Variants in SANBR observed in about 807,000 individuals in gnomAD.
SANBR encodes SANT and BTB domain regulator of CSR, also known as SANT and BTB domain regulator of class switch recombination.
In SANBR, 77 loss-of-function variants were observed where a neutral mutation model predicts 101.8. The observed-to-expected ratio is 0.76, with a 90% CI of 0.63 to 0.91. The LOEUF (loss-of-function observed/expected upper bound fraction) is 0.91, where lower values mean the gene tolerates loss of function less well. SANBR is among the 40% of genes least tolerant of loss of function. SANBR has a pLI of 0.00. For synonymous variants in SANBR, 279 were observed against 274.7 expected, an observed-to-expected ratio of 1.02 and a Z score of -0.15; for missense variants, 875 against 853.0, an observed-to-expected ratio of 1.03 and a Z score of -0.32.
intron 8 of SANBR, among the ~76,000 whole-genome samples, chr2:61,086,242 C>T (rs540166308): frequency 7.2e-5 from 11 of 152,064 alleles, no homozygotes; most frequent in South Asian, 2.1e-4. Flanking sequence ...TGGCTTACTG[C>T]GGCCTCAAAC....
At position 61,099,757 on chromosome 2, in the gene SANBR, A is replaced by G. The variant is rs1683198017; in HGVS notation, c.1365+1905A>G. The stretch of plus-strand genomic sequence containing the variant: ...GTGAAGCAGCATGAGCCTGCAAAGG[A>G]GAATGGTCAGGGGCAGCCAGAATAA... On this transcript the variant is annotated intron_variant, in intron 12 of 21. Coordinates refer to ENST00000402291, the MANE Select transcript of SANBR (RefSeq NM_001129993.3). Among the ~76,000 whole-genome samples, 3 of 152,224 alleles carry G rather than the reference A, an allele frequency of 2.0e-5. No individual in the cohort carries two copies. The South Asian group carries it at 6.2e-4, about 31-fold the overall frequency.
chr2:61,101,937 C>T (rs1683305236), intron 12 of SANBR, among the ~76,000 whole-genome samples: 1 of 151,794 alleles, frequency 6.6e-6, no homozygotes, highest in Non-Finnish European at 1.5e-5. Context: ...ACTCGGGAGG[C>T]AGGAGAATCG....
intron 21 of SANBR, among the ~76,000 whole-genome samples, chr2:61,136,968 C>T (rs1262479932): frequency 1.3e-5 from 2 of 150,320 alleles, no homozygotes; most frequent in Non-Finnish European, 2.9e-5. Flanking sequence ...AGACTGTCTC[C>T]AAAACAACAA....
Position 61,078,479 on chromosome 2 carries a change from C to T in SANBR, c.670+1321C>T, listed in dbSNP as rs373626694. Among the ~76,000 whole-genome samples the T allele has an allele frequency of 2.0e-3, 308 of 151,906 alleles. 14 individuals carry two copies. In the South Asian group the frequency reaches 0.062, roughly 31 times the overall value. Reference sequence around the variant, plus strand: ...TCTTGTCACCCAGGCTGGAGTGCAACGGTGCAATCTCAGCTCACTGCAACC... The same window carrying T: ...TCTTGTCACCCAGGCTGGAGTGCAATGGTGCAATCTCAGCTCACTGCAACC... On this transcript the variant is annotated intron_variant, in intron 6 of 21. Coordinates refer to ENST00000402291, the MANE Select transcript of SANBR (RefSeq NM_001129993.3).
chr2:61,069,356 T>C (rs1022554993), intron 2 of SANBR, among the ~76,000 whole-genome samples: 1 of 152,146 alleles, frequency 6.6e-6, no homozygotes, highest in African/African-American at 2.4e-5. Flanking sequence ...CATCACCTAC[T>C]TGTGTTGCTG....
rs183536335 is a variant in SANBR, at chr2:61,101,606, G to A, written c.1366-2247G>A. Reference sequence around the variant, plus strand: ...AAATTAGCCGGGCTTGGTGGCGGGCGCCTATAGTTCCAGCTACTCGGGAGG... The same window carrying A: ...AAATTAGCCGGGCTTGGTGGCGGGCACCTATAGTTCCAGCTACTCGGGAGG... On this transcript the variant is annotated intron_variant, in intron 12 of 21. Transcript: ENST00000402291. Among the ~76,000 whole-genome samples, 426 of 152,106 alleles carry A rather than the reference G, an allele frequency of 2.8e-3. 1 individual carries two copies. The highest frequency in any genetic ancestry group is 9.5e-3 in the African/African-American group (396 of 41,508).
Position 61,092,486 on chromosome 2 carries a change from G to C in SANBR, c.1111G>C (p.Glu371Gln), listed in dbSNP as rs1421296587. 1 of 1,595,106 alleles carries C rather than the reference G, an allele frequency of 6.3e-7. No homozygotes were observed. The highest frequency in any genetic ancestry group is 1.2e-5 in the South Asian group (1 of 85,284). ...CAGAGATAAGACATGGGATGTTCAT[G>C]AGTATTTGAATAGTCTTTTCGAAGA... Reference protein sequence around the residue: ...HIRDKTWDVHEYLNSLFEELK... With the variant: ...HIRDKTWDVHQYLNSLFEELK... Residue 371 changes from glutamate (E) to glutamine (Q), a missense_variant, in exon 11 of 22, where the codon GAG becomes CAG. Coordinates refer to ENST00000402291, the MANE Select transcript of SANBR (RefSeq NM_001129993.3).
At chr2:61,128,271 C>CAA (rs1200152788), downstream of SANBR, among the ~76,000 whole-genome samples, 231 of 104,952 alleles carry the variant, frequency 2.2e-3, 1 homozygote, top group African/African-American at 5.7e-3. Context: ...GACTCTGTCT[C>CAA]AAAAAAAAAA....
At chr2:61,088,081 T>G (rs999357839) in intron 8 of SANBR, 78 bp from the exon 9 acceptor site, 1 of 712,408 alleles carries the variant, frequency 1.4e-6, no homozygotes, top group Non-Finnish European at 2.3e-6. Flanking sequence ...ATTTTACAAA[T>G]GCACAGATTG....
intron 8 of SANBR, among the ~76,000 whole-genome samples, chr2:61,087,665 T>C (rs1682509557): frequency 6.6e-6 from 1 of 151,876 alleles, no homozygotes; most frequent in Non-Finnish European, 1.5e-5. Context: ...TCCTGGCCAA[T>C]ATGGTGAAAC....
chr2:61,126,977 A>T (rs570391136), downstream of SANBR, among the ~76,000 whole-genome samples: 5 of 152,240 alleles, frequency 3.3e-5, no homozygotes, highest in East Asian at 9.7e-4. Flanking sequence ...ACTTCCTCAC[A>T]GGAGGTATTT....
Position 61,113,482 on chromosome 2 carries a change from T to C in SANBR, c.1745-2497T>C, listed in dbSNP as rs565757810. 3.9e-5 allele frequency among the ~76,000 whole-genome samples: 6 copies of C among 152,340 alleles called. No homozygotes were observed. In the South Asian group the frequency reaches 1.2e-3, roughly 32 times the overall value. ...AACATGGAATATCTCTCCATTTATA[T>C]AGGACTTCTTTAATGTCTCTCAACA... On this transcript the variant is annotated intron_variant, in intron 16 of 21. Coordinates refer to ENST00000402291, the MANE Select transcript of SANBR (RefSeq NM_001129993.3).
Position 61,122,624 on chromosome 2 carries a change from A to G in SANBR, c.*462A>G, listed in dbSNP as rs757797443. Reference sequence around the variant, plus strand: ...TGCAGGTTGTGTGACGAAATTCCCAATGATGCTAATTTTAAGTCTGCATGA... The same window carrying G: ...TGCAGGTTGTGTGACGAAATTCCCAGTGATGCTAATTTTAAGTCTGCATGA... On this transcript the variant is annotated 3_prime_UTR_variant, in exon 22 of 22. Coordinates refer to ENST00000402291, the MANE Select transcript of SANBR (RefSeq NM_001129993.3). 21 of 987,030 alleles carry G rather than the reference A, an allele frequency of 2.1e-5. No individual in the cohort carries two copies. Among genetic ancestry groups the G allele is most frequent in the African/African-American group, 3.5e-5 (2 of 57,272 alleles). 61.1% of individuals were successfully genotyped at this position (987,030 alleles called of 1,614,324 possible).
chr2:61,096,515 C>T (rs1481260757), intron 11 of SANBR, among the ~76,000 whole-genome samples: 2 of 152,192 alleles, frequency 1.3e-5, no homozygotes, highest in African/African-American at 4.8e-5. Context: ...AGTGGTCTTC[C>T]CCATCGCAAG....
In SANBR at chr2:61,134,611, T is replaced by G. The variant is rs1208111242; in HGVS notation, c.*44+335T>G. ...TATTAGAAATATTAGAAATATATTGTTGGCCAGGCACGGTGGCTCACGCCT... is the reference window on the plus strand; with the variant it reads ...TATTAGAAATATTAGAAATATATTGGTGGCCAGGCACGGTGGCTCACGCCT... On this transcript the variant is annotated intron_variant, in intron 21 of 21. Transcript: ENST00000295031. 2.0e-5 allele frequency among the ~76,000 whole-genome samples: 3 copies of G among 152,224 alleles called. No individual in the cohort carries two copies. The East Asian group carries it at 5.8e-4, about 29-fold the overall frequency.
intron 20 of SANBR, among the ~76,000 whole-genome samples, chr2:61,120,917 CAG>C (rs1004084450): frequency 7.9e-5 from 12 of 151,986 alleles, no homozygotes; most frequent in Non-Finnish European, 1.6e-4. Context: ...ATCGACTTGA[CAG>C]GGGAACAAGG....
rs1559080065 is a variant in SANBR, at chr2:61,077,146, A to AT, written c.659dup (p.Met220IlefsTer26). ...CACTAAGGAGAATAAAGATTGTGAG[A>AT]TGCCCACTTTAGGTAAAAAACAATC... On this transcript the variant is annotated frameshift_variant, in exon 6 of 22. Transcript: ENST00000402291. LOFTEE classifies it high-confidence loss of function. 6.3e-7 allele frequency: 1 copy of AT among 1,598,666 alleles called. No homozygotes were observed. The highest frequency in any genetic ancestry group is 1.7e-5 in the Admixed American group (1 of 59,716).
chr2:61,115,860 T>G, intron 16 of SANBR, 119 bp from the exon 17 acceptor site: 1 of 596,302 alleles, frequency 1.7e-6, no homozygotes, highest in Non-Finnish European at 2.9e-6. Flanking sequence ...TATCCAGAGG[T>G]TAATTTGTTA....
intron 21 of SANBR, among the ~76,000 whole-genome samples, chr2:61,135,274 G>A (rs953908427): frequency 1.3e-5 from 2 of 152,142 alleles, no homozygotes; most frequent in African/African-American, 2.4e-5. Context: ...TATATATCAC[G>A]AACAAGTACT....
Sources: allele counts gnomAD v4.1 joint callset (sites outside exome capture counted in the v4.1 genomes callset), GRCh38; gene constraint gnomAD v4.1.1; transcripts MANE v1.5; gene names NCBI Gene and HGNC (gene_info 2026-07-23, HGNC 2026-07-21).